CIRSR: variants seen among roughly 807,000 people sequenced by gnomAD.
CIRSR encodes CBF1 (RBPJ) interacting corepressor 1.
At chr2:174,367,943 T>C in the CIRSR span, among the ~76,000 whole-genome samples, 1 of 152,058 alleles carries the variant, frequency 6.6e-6, no homozygotes, top group Non-Finnish European at 1.5e-5. Context: ...GTCAGACAAG[T>C]AGATTTCAGA....
the CIRSR span, among the ~76,000 whole-genome samples, chr2:174,373,199 G>A: frequency 6.6e-6 from 1 of 152,258 alleles, no homozygotes. Context: ...CAAGATTTAA[G>A]AAATTAAAAT....
chr2:174,372,341 T>G, the CIRSR span, among the ~76,000 whole-genome samples: 1 of 152,308 alleles, frequency 6.6e-6, no homozygotes, highest in East Asian at 1.9e-4. Context: ...ACACAACCAC[T>G]GTTAATATTT....
the CIRSR span, among the ~76,000 whole-genome samples, chr2:174,383,512 GAGT>G: frequency 6.6e-6 from 1 of 151,768 alleles, no homozygotes; most frequent in South Asian, 2.1e-4. Flanking sequence ...CTCAGGTCAG[GAGT>G]TCGAGACCAG....
At chr2:174,368,234 T>G in the CIRSR span, among the ~76,000 whole-genome samples, 2 of 129,596 alleles carry the variant, frequency 1.5e-5, no homozygotes, top group Non-Finnish European at 3.8e-5. Flanking sequence ...TGTACTAACA[T>G]TAATAGAATA....
chr2:174,380,168 A>G, the CIRSR span: 1 of 1,452,876 alleles, frequency 6.9e-7, no homozygotes, highest in Admixed American at 2.1e-5. Context: ...TTAAATAAAA[A>G]TTATTCTTAC....
chr2:174,348,289 A>C, the CIRSR span: 2 of 664,562 alleles, frequency 3.0e-6, no homozygotes, highest in Non-Finnish European at 4.5e-6. Context: ...TAGCTTACTT[A>C]CAAATATTTG....
At chr2:174,389,673 T>C in the CIRSR span, among the ~76,000 whole-genome samples, 1 of 152,156 alleles carries the variant, frequency 6.6e-6, no homozygotes, top group African/African-American at 2.4e-5. Flanking sequence ...CTCCAGGGTA[T>C]GTCAGAGACC....
chr2:174,354,425 T>TTA, the CIRSR span, among the ~76,000 whole-genome samples: 2 of 61,786 alleles, frequency 3.2e-5, no homozygotes, highest in African/African-American at 1.1e-4. Context: ...ATAATATATA[T>TTA]TATATGATAT....
chr2:174,377,438 T>C, the CIRSR span, among the ~76,000 whole-genome samples: 6 of 152,164 alleles, frequency 3.9e-5, no homozygotes, highest in Non-Finnish European at 5.9e-5. Context: ...TTGTCAGAGA[T>C]TGCCAGACCT....
At chr2:174,384,362 G>T in the CIRSR span, among the ~76,000 whole-genome samples, 1 of 152,218 alleles carries the variant, frequency 6.6e-6, no homozygotes, top group Non-Finnish European at 1.5e-5. Flanking sequence ...GCCAGGGGCT[G>T]TGGGCCAAGG....
chr2:174,382,547 G>A, the CIRSR span, among the ~76,000 whole-genome samples: 1 of 152,226 alleles, frequency 6.6e-6, no homozygotes, highest in African/African-American at 2.4e-5. Flanking sequence ...GCTGAGGCAG[G>A]AGAATCACTT....
chr2:174,389,636 G>A, the CIRSR span, among the ~76,000 whole-genome samples: 1 of 152,190 alleles, frequency 6.6e-6, no homozygotes, highest in Non-Finnish European at 1.5e-5. Flanking sequence ...GAAGTCGAAT[G>A]TTAATCACCA....
the CIRSR span, chr2:174,381,886 T>G: frequency 1.4e-4 from 104 of 736,056 alleles, no homozygotes; most frequent in Admixed American, 6.0e-4. Context: ...AAAATATTTT[T>G]GTTAGAAACA....
chr2:174,362,242 G>A, the CIRSR span, among the ~76,000 whole-genome samples: 14 of 152,098 alleles, frequency 9.2e-5, no homozygotes, highest in African/African-American at 2.9e-4. Context: ...GGAGGTCGAG[G>A]CTGCAGTGAG....
chr2:174,351,184 A>C, the CIRSR span, among the ~76,000 whole-genome samples: 1 of 152,228 alleles, frequency 6.6e-6, no homozygotes, highest in African/African-American at 2.4e-5. Context: ...ACATTATCAA[A>C]TATATAATAA....
chr2:174,363,381 A>G, the CIRSR span, among the ~76,000 whole-genome samples: 1 of 152,234 alleles, frequency 6.6e-6, no homozygotes, highest in East Asian at 1.9e-4. Context: ...ACACTAGAGG[A>G]AATTTTAGCC....
chr2:174,370,931 G>C, the CIRSR span, among the ~76,000 whole-genome samples: 1 of 147,888 alleles, frequency 6.8e-6, no homozygotes, highest in African/African-American at 2.5e-5. Context: ...AAAAAGAAAA[G>C]AAAAGAAAAA....
chr2:174,380,684 T>C, the CIRSR span: 2 of 1,612,760 alleles, frequency 1.2e-6, no homozygotes, highest in Non-Finnish European at 1.7e-6. Flanking sequence ...CCATTCAAAT[T>C]TGTATTCGGT....
At chr2:174,387,060 ATATAT>A in the CIRSR span, among the ~76,000 whole-genome samples, 11 of 152,152 alleles carry the variant, frequency 7.2e-5, no homozygotes. Flanking sequence ...TTTCCTCTCA[ATATAT>A]TATATTTTAA....
Sources: gnomAD v4.1 joint callset for allele counts (sites outside exome capture counted in the v4.1 genomes callset) on GRCh38, gnomAD v4.1.1 for gene constraint, MANE v1.5 for transcripts, NCBI Gene and HGNC (gene_info 2026-07-23, HGNC 2026-07-21) for gene names.